AUTS2: variants seen among roughly 807,000 people sequenced by gnomAD.
AUTS2 encodes the protein activator of transcription and developmental regulator AUTS2, also known as autism susceptibility gene 2 protein.
AUTS2 carries 17 observed loss-of-function variants against 112.4 expected under a neutral mutation model. That is an observed-to-expected ratio of 0.15 (90% CI 0.10 to 0.23). The LOEUF (loss-of-function observed/expected upper bound fraction) is 0.23, where lower values mean the gene tolerates loss of function less well. AUTS2 is among the 10% of genes least tolerant of loss of function. AUTS2 has a pLI of 1.00. For missense variants in AUTS2, 1,510 were observed against 1,701.6 expected (o/e 0.89, Z 1.98); for synonymous variants, 751 against 702.7 (o/e 1.07, Z -1.09).
At chr7:69,657,375 CT>C (rs2129139955) in intron 1 of AUTS2, among the ~76,000 whole-genome samples, 1 of 152,264 alleles carries the variant, frequency 6.6e-6, no homozygotes, top group South Asian at 2.1e-4. Flanking sequence ...GGGAAAAAAC[CT>C]GTTTGATTTT....
At chr7:70,268,238 C>CA (rs1484301407) in intron 4 of AUTS2, among the ~76,000 whole-genome samples, 2 of 152,126 alleles carry the variant, frequency 1.3e-5, no homozygotes, top group Non-Finnish European at 1.5e-5. Flanking sequence ...CCTTTGATGA[C>CA]ATTTTAGTGC....
intron 1 of AUTS2, among the ~76,000 whole-genome samples, chr7:69,842,394 T>G (rs1228123905): frequency 6.6e-6 from 1 of 152,206 alleles, no homozygotes; most frequent in Admixed American, 6.5e-5. Flanking sequence ...TGTTGACGCT[T>G]TTACTGTTCA....
chr7:70,024,295 G>T (rs543224893), intron 2 of AUTS2, among the ~76,000 whole-genome samples: 1 of 152,304 alleles, frequency 6.6e-6, no homozygotes, highest in East Asian at 1.9e-4. Context: ...AGCAGGTACT[G>T]GGTGGCAGAT....
chr7:70,388,020 TTC>T (rs1333235040), intron 4 of AUTS2, among the ~76,000 whole-genome samples: 1 of 152,220 alleles, frequency 6.6e-6, no homozygotes, highest in African/African-American at 2.4e-5. Flanking sequence ...ATTCTGTATG[TTC>T]TGTCCTAAGC....
At chr7:69,876,409 C>T (rs1255502356) in intron 1 of AUTS2, among the ~76,000 whole-genome samples, 6 of 65,396 alleles carry the variant, frequency 9.2e-5, no homozygotes, top group African/African-American at 1.8e-4. Flanking sequence ...ATTATATATA[C>T]ATAATGTATT....
chr7:69,712,007 G>A (rs995488483), intron 1 of AUTS2, among the ~76,000 whole-genome samples: 1 of 152,098 alleles, frequency 6.6e-6, no homozygotes, highest in South Asian at 2.1e-4. Flanking sequence ...GTCAAATTTA[G>A]CTTTGATGTC....
chr7:70,773,893 A>G, intron 11 of AUTS2, 135 bp from the exon 12 acceptor site: 3 of 813,340 alleles, frequency 3.7e-6, no homozygotes, highest in Non-Finnish European at 6.0e-6. Context: ...GTCCCTGAGA[A>G]AAATGAATCT....
At chr7:69,727,896 T>C (rs546961385) in intron 1 of AUTS2, among the ~76,000 whole-genome samples, 2 of 152,300 alleles carry the variant, frequency 1.3e-5, no homozygotes, top group Non-Finnish European at 2.9e-5. Flanking sequence ...ACAAAATCCC[T>C]TGATACCCAG....
At chr7:70,673,664 C>T (rs740165) in intron 5 of AUTS2, among the ~76,000 whole-genome samples, 106,148 of 152,074 alleles carry the variant, frequency 0.7, 38,089 homozygotes, top group East Asian at 0.97. Flanking sequence ...ATGAGAGCCA[C>T]CATGCCTGGC....
chr7:69,679,094 T>C (rs945359246), intron 1 of AUTS2, among the ~76,000 whole-genome samples: 23 of 152,350 alleles, frequency 1.5e-4, no homozygotes, highest in African/African-American at 5.3e-4. Flanking sequence ...AACTATATTA[T>C]CAGGTGTTGG....
intron 1 of AUTS2, among the ~76,000 whole-genome samples, chr7:69,706,037 C>G (rs1041067076): frequency 3.9e-5 from 6 of 152,158 alleles, no homozygotes; most frequent in African/African-American, 1.4e-4. Context: ...GGACTTCAAC[C>G]TACAAATTTT....
At chr7:69,722,115 A>G (rs931803830) in intron 1 of AUTS2, among the ~76,000 whole-genome samples, 1 of 151,750 alleles carries the variant, frequency 6.6e-6, no homozygotes, top group African/African-American at 2.4e-5. Context: ...CAGCCTTGAA[A>G]TGCATGAGAA....
intron 1 of AUTS2, among the ~76,000 whole-genome samples, chr7:69,728,922 G>C (rs1452199611): frequency 6.6e-6 from 1 of 152,052 alleles, no homozygotes; most frequent in African/African-American, 2.4e-5. Context: ...ACGAACATTG[G>C]ATTTTTTAGT....
intron 5 of AUTS2, among the ~76,000 whole-genome samples, chr7:70,563,763 G>T (rs1011106979): frequency 6.6e-6 from 1 of 152,232 alleles, no homozygotes; most frequent in Non-Finnish European, 1.5e-5. Context: ...CAGTGAGGAA[G>T]TGTGCTGCAT....
intron 4 of AUTS2, among the ~76,000 whole-genome samples, chr7:70,349,865 A>T (rs570339781): frequency 9.2e-5 from 14 of 152,238 alleles, no homozygotes; most frequent in Non-Finnish European, 1.9e-4. Flanking sequence ...GTCAATACCC[A>T]GGTTCCAGTC....
intron 4 of AUTS2, among the ~76,000 whole-genome samples, chr7:70,376,001 T>C (rs1585073941): frequency 6.7e-6 from 1 of 148,286 alleles, no homozygotes. Flanking sequence ...AACGGAGGAG[T>C]AGTTTGTTTT....
intron 2 of AUTS2, among the ~76,000 whole-genome samples, chr7:70,046,541 A>T (rs1801512547): frequency 6.6e-6 from 1 of 152,216 alleles, no homozygotes; most frequent in African/African-American, 2.4e-5. Context: ...GTTGGCTTTC[A>T]GTAATTAGTC....
intron 5 of AUTS2, among the ~76,000 whole-genome samples, chr7:70,648,919 CAG>C (rs1488981710): frequency 6.6e-6 from 1 of 152,090 alleles, no homozygotes; most frequent in Non-Finnish European, 1.5e-5. Context: ...TTCATAGTAA[CAG>C]GGTGCTAAAA....
chr7:70,246,854 C>A (rs1317585696), intron 4 of AUTS2, among the ~76,000 whole-genome samples: 2 of 151,766 alleles, frequency 1.3e-5, no homozygotes, highest in African/African-American at 2.4e-5. Context: ...TTATTTAAAT[C>A]TTTTTTCTCC....
Sources: allele counts gnomAD v4.1 joint callset (sites outside exome capture counted in the v4.1 genomes callset), GRCh38; gene constraint gnomAD v4.1.1; transcripts MANE v1.5; gene names NCBI Gene and HGNC (gene_info 2026-07-23, HGNC 2026-07-21).